Variants in PTPRD observed in about 807,000 individuals in gnomAD.
PTPRD encodes protein tyrosine phosphatase receptor type D, also known as receptor-type tyrosine-protein phosphatase delta.
Under a neutral mutation model 214.5 loss-of-function variants are expected in PTPRD, and 34 were observed. The ratio of observed to expected loss-of-function variants is 0.16; its 90% CI spans 0.12 to 0.21. The LOEUF (loss-of-function observed/expected upper bound fraction) is 0.21. Ranked by LOEUF, PTPRD falls within the 10% of genes least tolerant of loss-of-function variation. The probability of loss-of-function intolerance (pLI) is 1.00; values close to 1 mark genes in which losing one functional copy is unlikely to be tolerated. For missense variants in PTPRD, 2,545 were observed against 2,398.7 expected, an observed-to-expected ratio of 1.06 and a Z score of -1.27; for synonymous variants, 1,128 against 845.7, an observed-to-expected ratio of 1.33 and a Z score of -5.79.
intron 10 of PTPRD, among the ~76,000 whole-genome samples, chr9:9,182,378 A>G (rs2099928693): frequency 6.6e-6 from 1 of 152,058 alleles, no homozygotes; most frequent in Non-Finnish European, 1.5e-5. Context: ...TTTAGCAGAT[A>G]AGAGATTTGA....
At chr9:10,066,024 T>C (rs912554078) in intron 3 of PTPRD, among the ~76,000 whole-genome samples, 5 of 152,104 alleles carry the variant, frequency 3.3e-5, no homozygotes, top group Middle Eastern at 6.8e-3. Flanking sequence ...GATTATTTGA[T>C]ACTAATATCT....
intron 7 of PTPRD, among the ~76,000 whole-genome samples, chr9:9,671,224 A>T (rs918661675): frequency 6.6e-6 from 1 of 152,046 alleles, no homozygotes; most frequent in Non-Finnish European, 1.5e-5. Flanking sequence ...TTAAAATTTG[A>T]CTGCTCTGCT....
intron 7 of PTPRD, among the ~76,000 whole-genome samples, chr9:9,730,643 A>C (rs2154441537): frequency 6.6e-6 from 1 of 152,222 alleles, no homozygotes; most frequent in South Asian, 2.1e-4. Context: ...ATTGGGTTTT[A>C]TTAAAAACTT....
At chr9:9,799,228 G>A (rs971901917) in intron 5 of PTPRD, among the ~76,000 whole-genome samples, 1 of 152,092 alleles carries the variant, frequency 6.6e-6, no homozygotes, top group Non-Finnish European at 1.5e-5. Flanking sequence ...TAATAGATTA[G>A]GTTGAGATAA....
intron 11 of PTPRD, among the ~76,000 whole-genome samples, chr9:8,887,408 T>A (rs528081302): frequency 5.6e-4 from 85 of 152,314 alleles, no homozygotes; most frequent in Middle Eastern, 6.8e-3. Context: ...AAACCCCACT[T>A]GTACAGATCC....
At chr9:8,923,372 A>C (rs2098841709) in intron 11 of PTPRD, among the ~76,000 whole-genome samples, 1 of 151,982 alleles carries the variant, frequency 6.6e-6, no homozygotes, top group African/African-American at 2.4e-5. Context: ...TTTAGAAGTT[A>C]CTCAGCACCG....
chr9:9,065,029 A>C (rs985681712), intron 10 of PTPRD, among the ~76,000 whole-genome samples: 7 of 152,346 alleles, frequency 4.6e-5, no homozygotes, highest in South Asian at 2.1e-4. Context: ...TGAAGAATTC[A>C]TCACAAATAT....
In PTPRD at chr9:9,217,503, C is replaced by T. The variant is rs567311911; in HGVS notation, c.-202-34140G>A. Among the ~76,000 whole-genome samples, 5 of 152,246 alleles carry T rather than the reference C, an allele frequency of 3.3e-5. No homozygotes were observed. The South Asian group carries it at 8.3e-4, about 25-fold the overall frequency. On this transcript the variant is annotated intron_variant, in intron 9 of 45. Transcript: ENST00000381196. ...TTCTTTGACACAGCAATTACCTTAG[C>T]ACAACCAGCATCCTCTCATCTGGGA...
At chr9:10,030,579 T>A (rs1305508494) in intron 4 of PTPRD, among the ~76,000 whole-genome samples, 1 of 152,084 alleles carries the variant, frequency 6.6e-6, no homozygotes, top group African/African-American at 2.4e-5. Flanking sequence ...TGTTAACTCC[T>A]AGGAGGGATA....
At chr9:9,583,797 C>A (rs980481586) in intron 7 of PTPRD, among the ~76,000 whole-genome samples, 3 of 152,044 alleles carry the variant, frequency 2.0e-5, no homozygotes, top group Non-Finnish European at 4.4e-5. Context: ...GAGACTCAGT[C>A]TTATAGTTGC....
intron 6 of PTPRD, among the ~76,000 whole-genome samples, chr9:9,753,667 G>A (rs1596803820): frequency 6.6e-6 from 1 of 151,996 alleles, no homozygotes; most frequent in African/African-American, 2.4e-5. Context: ...TCCACATTGT[G>A]CATCCTGGAG....
At chr9:10,436,988 C>T (rs1312904896) in intron 2 of PTPRD, among the ~76,000 whole-genome samples, 1 of 151,770 alleles carries the variant, frequency 6.6e-6, no homozygotes, top group African/African-American at 2.4e-5. Context: ...CTGAGCTTAA[C>T]TGGGTAGTCA....
intron 9 of PTPRD, among the ~76,000 whole-genome samples, chr9:9,369,361 G>T (rs2058791896): frequency 6.6e-6 from 1 of 152,076 alleles, no homozygotes; most frequent in Non-Finnish European, 1.5e-5. Context: ...GATGGCCAGA[G>T]ATGATGAGCA....
intron 2 of PTPRD, among the ~76,000 whole-genome samples, chr9:10,512,572 A>G (rs1293055339): frequency 1.3e-5 from 2 of 152,164 alleles, no homozygotes; most frequent in East Asian, 3.9e-4. Context: ...GAAAGCAGCA[A>G]TCAAAGTTGA....
chr9:9,770,643 A>G (rs1376310567), intron 5 of PTPRD, among the ~76,000 whole-genome samples: 1 of 152,098 alleles, frequency 6.6e-6, no homozygotes, highest in Non-Finnish European at 1.5e-5. Context: ...CCTGTAAAAT[A>G]TGAATGTTTT....
intron 14 of PTPRD, among the ~76,000 whole-genome samples, chr9:8,585,375 AAG>A (rs1466013529): frequency 1.3e-5 from 2 of 152,172 alleles, no homozygotes; most frequent in Admixed American, 1.3e-4. Flanking sequence ...TGGTTCTGTC[AAG>A]GTTTAATCAC....
chr9:8,932,258 C>T (rs576721187), intron 11 of PTPRD, among the ~76,000 whole-genome samples: 3 of 152,020 alleles, frequency 2.0e-5, no homozygotes, highest in African/African-American at 7.2e-5. Flanking sequence ...GTTAGGGTGT[C>T]GACTTTAGAT....
chr9:9,274,052 G>T (rs1944010184), intron 9 of PTPRD, among the ~76,000 whole-genome samples: 1 of 151,068 alleles, frequency 6.6e-6, no homozygotes, highest in Non-Finnish European at 1.5e-5. Flanking sequence ...TTATGAACAG[G>T]TCTTGCACTT....
chr9:10,578,059 A>G (rs117103001), intron 2 of PTPRD, among the ~76,000 whole-genome samples: 4,552 of 151,830 alleles, frequency 0.03, 116 homozygotes, highest in East Asian at 0.084. Flanking sequence ...TTACAGGTGC[A>G]CCATCACACC....
Sources: gnomAD v4.1 joint callset for allele counts (sites outside exome capture counted in the v4.1 genomes callset) on GRCh38, gnomAD v4.1.1 for gene constraint, MANE v1.5 for transcripts, NCBI Gene and HGNC (gene_info 2026-07-23, HGNC 2026-07-21) for gene names.